SPOCK3: variants seen among roughly 807,000 people sequenced by gnomAD.
The protein encoded by SPOCK3 is testican-3.
Under a neutral mutation model 56.6 loss-of-function variants are expected in SPOCK3, and 30 were observed. The observed-to-expected ratio is 0.53, with a 90% CI of 0.40 to 0.72. The LOEUF is 0.72. Among genes scored for constraint, SPOCK3 ranks in the 30% least tolerant of loss-of-function variants. SPOCK3 has a pLI of 0.00. For missense variants in SPOCK3, 527 were observed against 530.0 expected, an observed-to-expected ratio of 0.99 and a Z score of 0.06; for synonymous variants, 196 against 183.3, an observed-to-expected ratio of 1.07 and a Z score of -0.56.
intron 2 of SPOCK3, among the ~76,000 whole-genome samples, chr4:167,211,618 T>G (rs1480706418): frequency 3.9e-5 from 6 of 152,064 alleles, no homozygotes; most frequent in Non-Finnish European, 7.4e-5. Flanking sequence ...AAAGGGAAGT[T>G]TCCATGCACA....
At chr4:167,081,514 A>G (rs1478709232) in intron 2 of SPOCK3, among the ~76,000 whole-genome samples, 1 of 152,104 alleles carries the variant, frequency 6.6e-6, no homozygotes, top group Non-Finnish European at 1.5e-5. Flanking sequence ...AATAAAGACA[A>G]TACTGACACA....
intron 6 of SPOCK3, among the ~76,000 whole-genome samples, chr4:166,853,964 T>C (rs1430327343): frequency 6.6e-6 from 1 of 152,000 alleles, no homozygotes; most frequent in Non-Finnish European, 1.5e-5. Context: ...CAAAGCACCA[T>C]TTTCTACAAA....
intron 2 of SPOCK3, among the ~76,000 whole-genome samples, chr4:167,071,054 A>C (rs1756624978): frequency 6.6e-6 from 1 of 151,966 alleles, no homozygotes. Flanking sequence ...TAGTGTCAAA[A>C]GGACAGTGCC....
At chr4:166,800,230 T>G (rs1380838407) in intron 6 of SPOCK3, among the ~76,000 whole-genome samples, 1 of 135,296 alleles carries the variant, frequency 7.4e-6, no homozygotes, top group Admixed American at 7.5e-5. Context: ...CTCATGATTG[T>G]AAGGTCTTTA....
chr4:167,121,173 TAA>T (rs1761836079), intron 2 of SPOCK3, among the ~76,000 whole-genome samples: 2 of 150,892 alleles, frequency 1.3e-5, no homozygotes, highest in African/African-American at 4.8e-5. Context: ...AAATAATATA[TAA>T]TTTATATAAA....
intron 4 of SPOCK3, among the ~76,000 whole-genome samples, chr4:166,929,453 T>C (rs562845916): frequency 7.9e-5 from 12 of 152,336 alleles, no homozygotes; most frequent in South Asian, 4.1e-4. Context: ...ATCAATGTTA[T>C]TAAACTCCTT....
intron 2 of SPOCK3, among the ~76,000 whole-genome samples, chr4:167,173,253 T>G (rs1730666867): frequency 6.6e-6 from 1 of 152,290 alleles, no homozygotes; most frequent in African/African-American, 2.4e-5. Flanking sequence ...TCTGTATTTT[T>G]ACTTTTCATT....
intron 6 of SPOCK3, among the ~76,000 whole-genome samples, chr4:166,812,794 C>G (rs1337002090): frequency 1.3e-5 from 2 of 151,922 alleles, no homozygotes; most frequent in Admixed American, 1.3e-4. Context: ...TATATATTTT[C>G]AAAGTTCACA....
At chr4:166,881,435 C>A (rs1288682659) in intron 6 of SPOCK3, among the ~76,000 whole-genome samples, 1 of 151,918 alleles carries the variant, frequency 6.6e-6, no homozygotes, top group East Asian at 1.9e-4. Flanking sequence ...TTTACTTCAA[C>A]TAACTTACTT....
At chr4:166,992,622 T>C (rs2150114107) in intron 4 of SPOCK3, among the ~76,000 whole-genome samples, 1 of 152,306 alleles carries the variant, frequency 6.6e-6, no homozygotes, top group Middle Eastern at 3.4e-3. Flanking sequence ...TGATTAAACT[T>C]TACTTTGAAC....
chr4:166,770,314 GACC>G (rs1305377723), intron 7 of SPOCK3, among the ~76,000 whole-genome samples: 3 of 152,032 alleles, frequency 2.0e-5, no homozygotes, highest in African/African-American at 4.8e-5. Flanking sequence ...GTTCCTATTC[GACC>G]ATCTTGGAAC....
intron 2 of SPOCK3, among the ~76,000 whole-genome samples, chr4:167,174,187 GATATT>G (rs1730760339): frequency 6.6e-6 from 1 of 151,898 alleles, no homozygotes; most frequent in Non-Finnish European, 1.5e-5. Context: ...GCAGTCATAA[GATATT>G]ATATTAGTGT....
intron 4 of SPOCK3, among the ~76,000 whole-genome samples, chr4:166,967,054 A>G (rs903040681): frequency 1.3e-5 from 2 of 152,104 alleles, no homozygotes; most frequent in African/African-American, 4.8e-5. Context: ...CATCTTCTCT[A>G]TTTGGTCAAA....
rs34910996 is a variant in SPOCK3, at chr4:166,884,870, AACACAC to A, written c.589+4254_589+4259del. On this transcript the variant is annotated intron_variant, in intron 6 of 10. Transcript: ENST00000357545. The stretch of plus-strand genomic sequence containing the variant: ...AGAAAGAAATTCCATAAACTGGTTA[AACACAC>A]ACACACACACACACACACACACACT... 2.4e-3 allele frequency among the ~76,000 whole-genome samples: 355 copies of A among 147,560 alleles called. 1 individual carries two copies. The highest frequency in any genetic ancestry group is 8.1e-3 in the African/African-American group (324 of 40,086).
In SPOCK3 at chr4:166,803,722, T is replaced by C. The variant is rs2126698421; in HGVS notation, c.590-11433A>G. Among the ~76,000 whole-genome samples the C allele has an allele frequency of 2.7e-5, 4 of 150,334 alleles. 1 individual carries two copies. In the South Asian group the frequency reaches 8.3e-4, roughly 31 times the overall value. ...GCTGATCTTTTCTACTAATGGAACA[T>C]GACACTAAAACTTAAATTTATCTAT... On this transcript the variant is annotated intron_variant, in intron 6 of 10. Coordinates refer to ENST00000357545, the MANE Select transcript of SPOCK3 (RefSeq NM_001040159.2).
intron 4 of SPOCK3, among the ~76,000 whole-genome samples, chr4:166,990,131 T>C (rs1747612975): frequency 6.6e-6 from 1 of 152,208 alleles, no homozygotes; most frequent in Admixed American, 6.5e-5. Flanking sequence ...TGGCAGGCAC[T>C]TTCCAGAAAC....
At position 167,205,369 on chromosome 4, in the gene SPOCK3, T is replaced by TATATATAAAATATATATA. The variant is rs1561321698; in HGVS notation, c.189+28615_189+28616insTATATATATTTTATATAT. Among the ~76,000 whole-genome samples the TATATATAAAATATATATA allele has an allele frequency of 6.1e-3, 217 of 35,588 alleles. 20 individuals carry two copies. Among genetic ancestry groups the TATATATAAAATATATATA allele is most frequent in the African/African-American group, 0.033 (208 of 6,240 alleles). 23.3% of individuals were successfully genotyped at this position (35,588 alleles called of 152,430 possible). A position where few individuals can be genotyped will look rare whatever the true frequency, so the allele number is the denominator to read the frequency against. On this transcript the variant is annotated intron_variant, in intron 2 of 10. Transcript: ENST00000357545. ...TATATATAATATATATATTATATATTTTATATATATAATATATATATTTTA... is the reference window on the plus strand; with the variant it reads ...TATATATAATATATATATTATATATTATATATAAAATATATATATTATATATATAATATATATATTTTA...
intron 2 of SPOCK3, among the ~76,000 whole-genome samples, chr4:167,189,234 C>T (rs1223066334): frequency 6.9e-6 from 1 of 145,696 alleles, no homozygotes; most frequent in Non-Finnish European, 1.5e-5. Flanking sequence ...AAGAAAAGTA[C>T]ACTAGACAAA....
At chr4:167,172,811 GAC>G (rs1730627520) in intron 2 of SPOCK3, among the ~76,000 whole-genome samples, 1 of 152,200 alleles carries the variant, frequency 6.6e-6, no homozygotes, top group South Asian at 2.1e-4. Context: ...ATTTTGGAAA[GAC>G]ATATCTGGTT....
Sources: allele counts gnomAD v4.1 joint callset (sites outside exome capture counted in the v4.1 genomes callset), GRCh38; gene constraint gnomAD v4.1.1; transcripts MANE v1.5; gene names NCBI Gene and HGNC (gene_info 2026-07-23, HGNC 2026-07-21).